UACA: variants seen among roughly 807,000 people sequenced by gnomAD.
UACA encodes nuclear membrane binding protein.
A neutral mutation model predicts 160.5 loss-of-function variants in UACA; 112 were observed. The observed-to-expected ratio is 0.70, with a 90% CI of 0.60 to 0.82. The LOEUF (loss-of-function observed/expected upper bound fraction) is 0.82. Among genes scored for constraint, UACA ranks in the 40% least tolerant of loss-of-function variants. The pLI is 0.00. For missense variants in UACA, 1,574 were observed against 1,614.6 expected, an observed-to-expected ratio of 0.97 and a Z score of 0.43; for synonymous variants, 557 against 568.4, an observed-to-expected ratio of 0.98 and a Z score of 0.29.
chr15:70,708,167 C>T (rs1307267547), intron 1 of UACA, among the ~76,000 whole-genome samples: 1 of 151,896 alleles, frequency 6.6e-6, no homozygotes, highest in Non-Finnish European at 1.5e-5. Flanking sequence ...TGAAATTAGC[C>T]AGTCAAAAAA....
At chr15:70,658,802 T>C (rs7174472) in intron 18 of UACA, among the ~76,000 whole-genome samples, 102,812 of 151,996 alleles carry the variant, frequency 0.68, 36,650 homozygotes, top group Admixed American at 0.8. Flanking sequence ...TCTGTTTCTA[T>C]AACAGCAGGA....
At chr15:70,719,552 G>T (rs1898928960) in intron 1 of UACA, among the ~76,000 whole-genome samples, 1 of 152,122 alleles carries the variant, frequency 6.6e-6, no homozygotes, top group South Asian at 2.1e-4. Flanking sequence ...AAATCAAATA[G>T]ATAAAAAGAA....
At chr15:70,679,332 G>A (rs1897400159) in intron 10 of UACA, among the ~76,000 whole-genome samples, 1 of 151,796 alleles carries the variant, frequency 6.6e-6, no homozygotes, top group Admixed American at 6.6e-5. Context: ...GAACCTGGGA[G>A]GCAGAGGTTG....
At chr15:70,702,859 AC>A (rs1450802286) in intron 1 of UACA, among the ~76,000 whole-genome samples, 1 of 152,224 alleles carries the variant, frequency 6.6e-6, no homozygotes, top group East Asian at 1.9e-4. Flanking sequence ...TAAATAGAAT[AC>A]ATAGTGATGC....
At chr15:70,685,882 C>T (rs1468172676) in intron 7 of UACA, among the ~76,000 whole-genome samples, 1 of 152,014 alleles carries the variant, frequency 6.6e-6, no homozygotes, top group African/African-American at 2.4e-5. Context: ...TCAAGGAATT[C>T]TCCTGCCTCA....
At chr15:70,772,913 AC>A in the UACA span, among the ~76,000 whole-genome samples, 2 of 151,968 alleles carry the variant, frequency 1.3e-5, no homozygotes, top group African/African-American at 4.8e-5. Flanking sequence ...ACATGGTGAA[AC>A]CCCGTCTCTA....
At chr15:70,665,817 G>A (rs1896884021) in intron 16 of UACA, among the ~76,000 whole-genome samples, 1 of 152,166 alleles carries the variant, frequency 6.6e-6, no homozygotes. Flanking sequence ...AGGGCAGTCT[G>A]TGTCTGTGTT....
chr15:70,764,179 C>T (rs114176762), upstream of UACA, among the ~76,000 whole-genome samples: 532 of 152,198 alleles, frequency 3.5e-3, 1 homozygote, highest in African/African-American at 0.012. Flanking sequence ...AGTGAAGAAT[C>T]CGCCGTATTG....
chr15:70,673,757 G>A (rs1041990336), intron 13 of UACA, among the ~76,000 whole-genome samples: 6 of 152,110 alleles, frequency 3.9e-5, no homozygotes, highest in African/African-American at 4.8e-5. Flanking sequence ...TACATAACTC[G>A]TAACAGTAAT....
Position 70,684,395 on chromosome 15 carries a change from G to C in UACA, c.654C>G (p.Val218=). 1 of 1,613,716 alleles carries C rather than the reference G, an allele frequency of 6.2e-7. No homozygotes were observed. Among genetic ancestry groups the C allele is most frequent in the East Asian group, 2.2e-5 (1 of 44,854 alleles). The part of the protein sequence containing the change: ...CEYGCRDAVE[V]LIKNGADISL... Reference sequence around the variant, plus strand: ...TTATATCAGCACCATTTTTAATTAAGACTTCTACTGCATCTCTGCAACCAT... The same window carrying C: ...TTATATCAGCACCATTTTTAATTAACACTTCTACTGCATCTCTGCAACCAT... The change falls in exon 8 of 19, where the codon GTC becomes GTG. Residue 218 remains valine, a synonymous_variant. Coordinates refer to ENST00000322954, the MANE Select transcript of UACA (RefSeq NM_018003.4).
intron 15 of UACA, among the ~76,000 whole-genome samples, chr15:70,669,750 T>C (rs1167183648): frequency 1.3e-5 from 2 of 152,182 alleles, no homozygotes; most frequent in Non-Finnish European, 2.9e-5. Context: ...ATTTTGTCTT[T>C]CTTCCCCCAT....
intron 1 of UACA, among the ~76,000 whole-genome samples, chr15:70,728,360 T>C (rs1566993030): frequency 3.3e-5 from 5 of 152,094 alleles, no homozygotes. Flanking sequence ...GATCGAGAGT[T>C]CGAGACCAGC....
At chr15:70,702,259 T>A in intron 1 of UACA, 1 of 1,057,732 alleles carries the variant, frequency 9.5e-7, no homozygotes, top group Non-Finnish European at 1.1e-6. Flanking sequence ...TGAACAGCAC[T>A]CTGCATCCTG....
At chr15:70,691,946 G>A (rs905482049) in intron 3 of UACA, among the ~76,000 whole-genome samples, 2 of 152,098 alleles carry the variant, frequency 1.3e-5, no homozygotes, top group African/African-American at 2.4e-5. Context: ...AATGCCAAAG[G>A]GGGTAGGGAG....
chr15:70,690,843 GAAACTTAGTGAATATGTTT>G (rs1268959287), intron 4 of UACA, among the ~76,000 whole-genome samples: 1 of 151,982 alleles, frequency 6.6e-6, no homozygotes. Context: ...GTTCTGCTAT[GAAACTTAGTGAATATGTTT>G]ATAAAAATGT....
chr15:70,660,926 A>G (rs1337069192), intron 17 of UACA: 1 of 152,192 alleles, frequency 6.6e-6, no homozygotes, highest in Non-Finnish European at 1.5e-5. Flanking sequence ...TCTTTATCAC[A>G]GGTATGTATA....
chr15:70,749,145 G>A (rs892253870), intron 1 of UACA: 2 of 387,610 alleles, frequency 5.2e-6, no homozygotes, highest in South Asian at 1.9e-5. Context: ...GTTAACTTTC[G>A]GATCTAAGTA....
chr15:70,722,985 A>C (rs1041063691), intron 1 of UACA, among the ~76,000 whole-genome samples: 1 of 152,208 alleles, frequency 6.6e-6, no homozygotes, highest in African/African-American at 2.4e-5. Flanking sequence ...TTTTGAGTGA[A>C]TTTCTATTAA....
chr15:70,676,119 TC>T lies in UACA; in HGVS notation c.1131+373del, dbSNP rs746762582. Among the ~76,000 whole-genome samples, 5 of 152,334 alleles carry T rather than the reference TC, an allele frequency of 3.3e-5. No homozygotes were observed. The East Asian group carries it at 9.6e-4, about 29-fold the overall frequency. On this transcript the variant is annotated intron_variant, in intron 13 of 18. Coordinates refer to ENST00000322954, the MANE Select transcript of UACA (RefSeq NM_018003.4). Reference sequence around the variant, plus strand: ...CAGTGATGCCCAGTGATGAATCCTTTCTGAGATAATCCTGGACATATCATCA... The same window carrying T: ...CAGTGATGCCCAGTGATGAATCCTTTTGAGATAATCCTGGACATATCATCA...
Sources: allele counts gnomAD v4.1 joint callset (sites outside exome capture counted in the v4.1 genomes callset), GRCh38; gene constraint gnomAD v4.1.1; transcripts MANE v1.5; gene names NCBI Gene and HGNC (gene_info 2026-07-23, HGNC 2026-07-21).